LINS1: variants seen among roughly 807,000 people sequenced by gnomAD.
LINS1 encodes the protein lines homolog 1.
LINS1 carries 27 observed loss-of-function variants against 41.6 expected under a neutral mutation model. The ratio of observed to expected loss-of-function variants is 0.65; its 90% CI spans 0.48 to 0.89. The LOEUF is 0.89. Ranked by LOEUF, LINS1 falls within the 40% of genes least tolerant of loss-of-function variation. The pLI is 0.00. For missense variants in LINS1, 955 were observed against 884.1 expected, an observed-to-expected ratio of 1.08 and a Z score of -1.02; for synonymous variants, 336 against 312.9, an observed-to-expected ratio of 1.07 and a Z score of -0.78.
chr15:100,580,930 G>T lies in LINS1; in HGVS notation c.-88C>A. On this transcript the variant is annotated 5_prime_UTR_variant, in exon 2 of 7. Transcript: ENST00000314742. Reference sequence around the variant, plus strand: ...CAGAAGTGCAATGAATCTCTAAGAAGTTTCTTCAGTGAAACCTAAAATAGG... The same window carrying T: ...CAGAAGTGCAATGAATCTCTAAGAATTTTCTTCAGTGAAACCTAAAATAGG... 8.1e-7 allele frequency: 1 copy of T among 1,234,896 alleles called. No homozygotes were observed. The highest frequency in any genetic ancestry group is 1.1e-6 in the Non-Finnish European group (1 of 876,670). The allele number at this position is 1,234,896 out of a possible 1,614,324, so 76.5% of individuals were successfully genotyped here.
intron 1 of LINS1, among the ~76,000 whole-genome samples, chr15:100,591,798 G>A (rs2898823): frequency 0.17 from 26,459 of 152,108 alleles, 2,557 homozygotes; most frequent in Admixed American, 0.28. Flanking sequence ...ACTAGACAGA[G>A]AGGGGCGAGA....
intron 1 of LINS1, among the ~76,000 whole-genome samples, chr15:100,583,927 AAGAC>A (rs1350944227): frequency 6.6e-6 from 1 of 152,064 alleles, no homozygotes; most frequent in African/African-American, 2.4e-5. Flanking sequence ...CTGACACTAT[AAGAC>A]AGAATATTTT....
chr15:100,581,922 A>G (rs570010928), intron 1 of LINS1, among the ~76,000 whole-genome samples: 2 of 152,350 alleles, frequency 1.3e-5, no homozygotes, highest in East Asian at 3.9e-4. Flanking sequence ...CCTTAGTAAT[A>G]AGGTAAATAA....
In LINS1 at chr15:100,599,156, T is replaced by C. The variant is rs2039366926; in HGVS notation, c.-104+2965A>G. Among the ~76,000 whole-genome samples the C allele has an allele frequency of 2.6e-5, 4 of 152,266 alleles. No individual in the cohort carries two copies. The South Asian group carries it at 8.3e-4, about 31-fold the overall frequency. ...AATACTTATCCCAAATTATTTCACT[T>C]ATATGTTGTAAGATGTTCCCATTTT... is the stretch of plus-strand genomic sequence containing the variant. On this transcript the variant is annotated intron_variant, in intron 1 of 6. Coordinates refer to ENST00000314742, the MANE Select transcript of LINS1 (RefSeq NM_001040616.3).
rs3751548 is a variant in LINS1 at position 100,569,017 on chromosome 15, G to T, written c.*221C>A. ...CGGGCACCTGTAATTCCAGCTACTC[G>T]GGAGACTGAGGCAGGAGAATTGCTT... On this transcript the variant is annotated 3_prime_UTR_variant, in exon 7 of 7. Coordinates refer to ENST00000314742, the MANE Select transcript of LINS1 (RefSeq NM_001040616.3). The T allele has an allele frequency of 0.39, 155,096 of 394,006 alleles. 32,833 individuals are homozygous for T. The highest frequency in any genetic ancestry group is 0.46 in the Non-Finnish European group (98,730 of 216,016). The allele number at this position is 394,006 out of a possible 1,614,324, so 24.4% of individuals were successfully genotyped here. A position where few individuals can be genotyped will look rare whatever the true frequency, so the allele number is the denominator to read the frequency against.
At chr15:100,590,485 A>C (rs181419663) in intron 1 of LINS1, among the ~76,000 whole-genome samples, 52 of 152,348 alleles carry the variant, frequency 3.4e-4, no homozygotes, top group Non-Finnish European at 5.1e-4. Flanking sequence ...AATCTTCTAG[A>C]AGGGCATCAT....
At chr15:100,595,705 T>C (rs2141358774) in intron 1 of LINS1, among the ~76,000 whole-genome samples, 1 of 152,358 alleles carries the variant, frequency 6.6e-6, no homozygotes, top group Middle Eastern at 3.4e-3. Context: ...TTTCTTTATA[T>C]GATGTGGCTA....
intron 6 of LINS1, chr15:100,570,369 CT>C: frequency 2.6e-6 from 1 of 381,004 alleles, no homozygotes; most frequent in South Asian, 3.9e-5. Flanking sequence ...ACCTGTTGTT[CT>C]TTCTCTCGAC....
chr15:100,593,072 T>C (rs2141351556), intron 1 of LINS1, among the ~76,000 whole-genome samples: 2 of 152,348 alleles, frequency 1.3e-5, no homozygotes, highest in Middle Eastern at 3.4e-3. Context: ...TCATTCTGCA[T>C]TATCATGCTG....
intron 1 of LINS1, among the ~76,000 whole-genome samples, chr15:100,585,820 G>A (rs2038779225): frequency 6.6e-6 from 1 of 152,112 alleles, no homozygotes; most frequent in African/African-American, 2.4e-5. Context: ...TACTAAATAA[G>A]CTGGCTTTAA....
At chr15:100,586,945 G>C (rs1470720731) in intron 1 of LINS1, among the ~76,000 whole-genome samples, 1 of 151,872 alleles carries the variant, frequency 6.6e-6, no homozygotes, top group Non-Finnish European at 1.5e-5. Flanking sequence ...CAGATCACGA[G>C]GTCAGGAGAT....
rs112416143 is a variant in LINS1, at chr15:100,582,432, T to C, written c.-103-1487A>G. 2.5e-4 allele frequency among the ~76,000 whole-genome samples: 29 copies of C among 114,512 alleles called. No individual in the cohort carries two copies. The East Asian group carries it at 3.2e-3, about 12-fold the overall frequency. 75.1% of individuals were successfully genotyped at this position (114,512 alleles called of 152,430 possible). On this transcript the variant is annotated intron_variant, in intron 1 of 6. Transcript: ENST00000314742. ...GCCCACTAGCCTAGTCTTGGTCTTA[T>C]ACTGGGTCTTCCATCTACACTATGG... is the stretch of plus-strand genomic sequence containing the variant.
intron 4 of LINS1, 111 bp downstream of exon 4, chr15:100,574,876 T>C (rs1317890934): frequency 5.2e-6 from 6 of 1,144,220 alleles, no homozygotes; most frequent in Non-Finnish European, 7.7e-6. Context: ...ACTGACTTTT[T>C]CATTACTTTA....
intron 1 of LINS1, among the ~76,000 whole-genome samples, chr15:100,589,230 C>A (rs1267363568): frequency 6.6e-6 from 1 of 152,176 alleles, no homozygotes; most frequent in Non-Finnish European, 1.5e-5. Context: ...TATAAGAAAG[C>A]ATGGGAATGT....
chr15:100,587,444 C>T (rs960043117), intron 1 of LINS1, among the ~76,000 whole-genome samples: 4 of 151,730 alleles, frequency 2.6e-5, no homozygotes, highest in African/African-American at 9.7e-5. Context: ...TTTTTGGGGC[C>T]CTGGGTAACA....
chr15:100,590,761 T>C (rs1361745189), intron 1 of LINS1, among the ~76,000 whole-genome samples: 1 of 152,220 alleles, frequency 6.6e-6, no homozygotes, highest in Non-Finnish European at 1.5e-5. Flanking sequence ...GATTGCTTGG[T>C]TAAATGAGTA....
chr15:100,578,163 A>C, intron 3 of LINS1, among the ~76,000 whole-genome samples: 1 of 152,208 alleles, frequency 6.6e-6, no homozygotes, highest in East Asian at 1.9e-4. Context: ...CAAAAGCCAA[A>C]ATAGAGAAAT....
intron 5 of LINS1, chr15:100,573,324 A>C: frequency 9.2e-7 from 1 of 1,090,158 alleles, no homozygotes; most frequent in Non-Finnish European, 1.1e-6. Flanking sequence ...TAAAAAAAAA[A>C]AAAGGATTAA....
intron 1 of LINS1, among the ~76,000 whole-genome samples, chr15:100,599,470 A>C (rs1446525519): frequency 6.6e-6 from 1 of 152,214 alleles, no homozygotes; most frequent in Non-Finnish European, 1.5e-5. Context: ...TTTTTAATGA[A>C]AAACAAATGG....
Sources: gnomAD v4.1 joint callset for allele counts (sites outside exome capture counted in the v4.1 genomes callset) on GRCh38, gnomAD v4.1.1 for gene constraint, MANE v1.5 for transcripts, NCBI Gene and HGNC (gene_info 2026-07-23, HGNC 2026-07-21) for gene names.